Variants in FAM114A1 observed in about 807,000 individuals in gnomAD.
The protein encoded by FAM114A1 is protein NOXP20.
FAM114A1 carries 62 observed loss-of-function variants against 64.3 expected under a neutral mutation model. The ratio of observed to expected loss-of-function variants is 0.96; its 90% CI spans 0.79 to 1.19. FAM114A1 has a LOEUF of 1.19. Ranked by LOEUF, FAM114A1 falls within the 50% of genes most tolerant of loss-of-function variation. The pLI is 0.00. For synonymous variants in FAM114A1, 254 were observed against 251.1 expected, an observed-to-expected ratio of 1.01 and a Z score of -0.11; for missense variants, 645 against 676.3, an observed-to-expected ratio of 0.95 and a Z score of 0.51.
At chr4:38,931,416 C>T (rs1300858983) in intron 10 of FAM114A1, 35 bp from the exon 11 acceptor site, 12 of 1,567,394 alleles carry the variant, frequency 7.7e-6, no homozygotes, top group Non-Finnish European at 9.5e-6. Flanking sequence ...CATATTTGCG[C>T]CATAAAAGGA....
Position 38,868,564 on chromosome 4 carries a change from C to T in FAM114A1, c.-9+18C>T, listed in dbSNP as rs1044136769. 3 of 152,754 alleles carry T rather than the reference C, an allele frequency of 2.0e-5. No individual in the cohort carries two copies. The highest frequency in any genetic ancestry group is 4.4e-5 in the Non-Finnish European group (3 of 68,470). The allele number at this position is 152,754 out of a possible 1,614,324, so 9.5% of individuals were successfully genotyped here. ...GCCATCCGGTGAGTATTTCCAGGCA[C>T]CTCAGACCAGGCGCCTGAACGTCAC... On this transcript the variant is annotated intron_variant, in intron 2 of 14. Coordinates refer to ENST00000358869, the MANE Select transcript of FAM114A1 (RefSeq NM_138389.4).
chr4:38,897,987 A>G (rs1183424734), intron 4 of FAM114A1, among the ~76,000 whole-genome samples: 1 of 152,036 alleles, frequency 6.6e-6, no homozygotes, highest in Non-Finnish European at 1.5e-5. Flanking sequence ...GGGTTTTGAT[A>G]GTAGTTCCAA....
At chr4:38,908,785 A>G in intron 7 of FAM114A1, 59 bp downstream of exon 7, 1 of 1,450,058 alleles carries the variant, frequency 6.9e-7, no homozygotes, top group South Asian at 1.5e-5. Context: ...TAAATTTTTT[A>G]TTTATCTTTT....
chr4:38,893,575 G>A (rs866685123), intron 4 of FAM114A1, among the ~76,000 whole-genome samples: 6 of 152,178 alleles, frequency 3.9e-5, no homozygotes, highest in African/African-American at 1.4e-4. Context: ...ACTTAAAGGT[G>A]CATCTCCCTG....
rs1279124413 is a variant in FAM114A1, at chr4:38,943,580, A to G, written c.*23A>G. 1.9e-6 allele frequency: 3 copies of G among 1,606,186 alleles called. No homozygotes were observed. The highest frequency in any genetic ancestry group is 3.3e-5 in the Admixed American group (2 of 59,962). On this transcript the variant is annotated 3_prime_UTR_variant, in exon 15 of 15. Transcript: ENST00000358869. ...TGACCTGGCCAGACTCCATCTAGTT[A>G]AAGGAGACAGCTGGCCGCCTTGCCT...
intron 6 of FAM114A1, among the ~76,000 whole-genome samples, chr4:38,907,614 C>T (rs1308831067): frequency 2.6e-5 from 4 of 152,146 alleles, no homozygotes; most frequent in African/African-American, 9.7e-5. Context: ...TACTGGTTGG[C>T]TCCCAAATCT....
At chr4:38,882,318 C>CA (rs56370212) in intron 3 of FAM114A1, among the ~76,000 whole-genome samples, 22,546 of 48,414 alleles carry the variant, frequency 0.47, 4,823 homozygotes, top group Non-Finnish European at 0.52. Context: ...GACTCCGTCT[C>CA]AAAAAAAAAA....
At chr4:38,925,257 G>A (rs908514995) in intron 9 of FAM114A1, among the ~76,000 whole-genome samples, 1 of 152,128 alleles carries the variant, frequency 6.6e-6, no homozygotes, top group Non-Finnish European at 1.5e-5. Context: ...TCAAAACACT[G>A]TTAATGTTAA....
intron 2 of FAM114A1, among the ~76,000 whole-genome samples, chr4:38,874,006 C>T (rs1377693982): frequency 6.6e-6 from 1 of 152,068 alleles, no homozygotes; most frequent in Non-Finnish European, 1.5e-5. Context: ...GAGGACCTTG[C>T]CATGAGAATA....
intron 13 of FAM114A1, among the ~76,000 whole-genome samples, chr4:38,936,788 T>A (rs1444070353): frequency 6.6e-6 from 1 of 151,700 alleles, no homozygotes; most frequent in Non-Finnish European, 1.5e-5. Flanking sequence ...CCTGACCTAG[T>A]GATCCACCGG....
intron 3 of FAM114A1, among the ~76,000 whole-genome samples, chr4:38,883,784 T>C (rs1715533454): frequency 6.6e-6 from 1 of 152,204 alleles, no homozygotes; most frequent in Non-Finnish European, 1.5e-5. Flanking sequence ...TTTGGCCTGC[T>C]CTAAAAGGAC....
chr4:38,914,080 A>G (rs757366608), intron 7 of FAM114A1, among the ~76,000 whole-genome samples: 1 of 152,102 alleles, frequency 6.6e-6, no homozygotes, highest in Admixed American at 6.5e-5. Flanking sequence ...AGCCTGGGCA[A>G]CAAGAGCTAA....
At chr4:38,872,935 C>A (rs1406044555) in intron 2 of FAM114A1, among the ~76,000 whole-genome samples, 2 of 152,334 alleles carry the variant, frequency 1.3e-5, no homozygotes, top group East Asian at 3.9e-4. Context: ...GGTTTGCCAA[C>A]ACCCTGTCCT....
In FAM114A1 at chr4:38,893,628, T is replaced by A. The variant is rs545811114; in HGVS notation, c.436+1798T>A. Among the ~76,000 whole-genome samples, 5 of 152,354 alleles carry A rather than the reference T, an allele frequency of 3.3e-5. No homozygotes were observed. In the South Asian group the frequency reaches 6.2e-4, roughly 19 times the overall value. On this transcript the variant is annotated intron_variant, in intron 4 of 14. Transcript: ENST00000358869. Reference sequence around the variant, plus strand: ...GTTGGTCAGACCATTTGCTGTTGTTTCTCATTCAGTGTCTGTACCTCATTT... The same window carrying A: ...GTTGGTCAGACCATTTGCTGTTGTTACTCATTCAGTGTCTGTACCTCATTT...
At chr4:38,936,424 G>T (rs1366364070) in intron 13 of FAM114A1, among the ~76,000 whole-genome samples, 1 of 150,538 alleles carries the variant, frequency 6.6e-6, no homozygotes, top group African/African-American at 2.4e-5. Flanking sequence ...TCAGATGAAG[G>T]TTCCTTTTAT....
intron 4 of FAM114A1, among the ~76,000 whole-genome samples, chr4:38,903,513 A>G (rs1228573050): frequency 6.6e-6 from 1 of 152,176 alleles, no homozygotes; most frequent in African/African-American, 2.4e-5. Context: ...AATCTAGACG[A>G]GAATCATAGG....
At chr4:38,876,232 C>G (rs867867712) in intron 2 of FAM114A1, among the ~76,000 whole-genome samples, 1 of 140,642 alleles carries the variant, frequency 7.1e-6, no homozygotes. Flanking sequence ...TGCAGTGACA[C>G]GATCTCAGCT....
intron 11 of FAM114A1, among the ~76,000 whole-genome samples, 167 bp from the exon 12 acceptor site, chr4:38,932,068 C>G (rs1252019044): frequency 6.6e-6 from 1 of 152,214 alleles, no homozygotes; most frequent in African/African-American, 2.4e-5. Flanking sequence ...CCCTTCCTGG[C>G]AACATTACAC....
chr4:38,941,348 A>G (rs1579424725), intron 14 of FAM114A1, among the ~76,000 whole-genome samples: 3 of 152,318 alleles, frequency 2.0e-5, no homozygotes, highest in South Asian at 4.1e-4. Flanking sequence ...GCAATGAGGG[A>G]TTATTGCTCA....
Sources: allele counts gnomAD v4.1 joint callset (sites outside exome capture counted in the v4.1 genomes callset), GRCh38; gene constraint gnomAD v4.1.1; transcripts MANE v1.5; gene names NCBI Gene and HGNC (gene_info 2026-07-23, HGNC 2026-07-21).